TRHDE: variants seen among roughly 807,000 people sequenced by gnomAD.
TRHDE encodes the protein thyrotropin releasing hormone degrading enzyme.
Under a neutral mutation model 125.7 loss-of-function variants are expected in TRHDE, and 72 were observed. The observed-to-expected ratio is 0.57, with a 90% CI of 0.47 to 0.70. The LOEUF is 0.70. Ranked by LOEUF, TRHDE falls within the 30% of genes least tolerant of loss-of-function variation. TRHDE has a pLI of 0.00. For missense variants in TRHDE, 1,110 were observed against 1,327.1 expected, an observed-to-expected ratio of 0.84 and a Z score of 2.54; for synonymous variants, 509 against 509.1, an observed-to-expected ratio of 1.00 and a Z score of 0.00.
chr12:72,398,724 T>C (rs541048012), intron 3 of TRHDE, among the ~76,000 whole-genome samples: 2 of 152,220 alleles, frequency 1.3e-5, no homozygotes, highest in African/African-American at 2.4e-5. Flanking sequence ...TTATTTGGGG[T>C]CCCTATGAAG....
intron 2 of TRHDE, among the ~76,000 whole-genome samples, chr12:72,326,914 T>G (rs536691329): frequency 6.6e-6 from 1 of 152,194 alleles, no homozygotes; most frequent in African/African-American, 2.4e-5. Flanking sequence ...GGGACTCTTA[T>G]TCGGGAACTG....
rs1201238476 is a variant in TRHDE at position 72,272,923 on chromosome 12, G to A, written c.280G>A (p.Val94Met). The A allele has an allele frequency of 4.4e-6, 7 of 1,578,716 alleles. No individual in the cohort carries two copies. Among genetic ancestry groups the A allele is most frequent in the Non-Finnish European group, 6.0e-6 (7 of 1,170,298 alleles). Reference sequence around the variant, plus strand: ...TGTGCTGGCCTTCGCTGTGTCCCTCGTGGCATTGCTCGCGGTCACAATGCT... The same window carrying A: ...TGTGCTGGCCTTCGCTGTGTCCCTCATGGCATTGCTCGCGGTCACAATGCT... ...RLVLAFAVSL[V>M]ALLAVTMLAV... The change falls in exon 1 of 19, where the codon GTG (valine) becomes ATG (methionine). Residue 94 changes from valine to methionine, a missense_variant. Val to Met is a conservative substitution (Grantham distance 21). This residue lies in a region of TRHDE where 248 missense variants were observed against 240.8 expected (regional missense o/e 1.03). Coordinates refer to ENST00000261180, the MANE Select transcript of TRHDE (RefSeq NM_013381.3). The surrounding 1 kb of genome is among the most constrained non-coding windows in gnomAD (Gnocchi z 6.7).
In TRHDE at chr12:72,173,583, G is replaced by C. The variant is rs118127319; in HGVS notation, n.279+67831G>C. 6.7e-4 allele frequency among the ~76,000 whole-genome samples: 102 copies of C among 152,244 alleles called. 1 individual carries two copies. The East Asian group carries it at 0.016, about 24-fold the overall frequency. ...CTGCACGTGCTCTTGTGTTACTATA[G>C]TGACCCCATAATGCTGGGTGCAAAT... is the stretch of plus-strand genomic sequence containing the variant. On this transcript the variant is annotated intron_variant and non_coding_transcript_variant, in intron 2 of 4. Coordinates refer to the TRHDE transcript ENST00000548156.
At chr12:72,388,177 A>C (rs1872506115) in intron 3 of TRHDE, among the ~76,000 whole-genome samples, 1 of 152,094 alleles carries the variant, frequency 6.6e-6, no homozygotes, top group African/African-American at 2.4e-5. Context: ...AACATTTTTC[A>C]TTCAAATAGA....
intron 2 of TRHDE, among the ~76,000 whole-genome samples, chr12:72,168,033 C>T (rs1433960189): frequency 6.6e-6 from 1 of 152,070 alleles, no homozygotes; most frequent in South Asian, 2.1e-4. Flanking sequence ...AGTATGGCTA[C>T]AACACTAGTC....
intron 18 of TRHDE, among the ~76,000 whole-genome samples, chr12:72,659,867 C>T (rs989819072): frequency 1.3e-5 from 2 of 152,090 alleles, no homozygotes; most frequent in African/African-American, 2.4e-5. Flanking sequence ...CAGGACTTAG[C>T]AGGTATTCTC....
upstream of TRHDE, among the ~76,000 whole-genome samples, chr12:72,270,933 T>G (rs1409582330): frequency 6.6e-6 from 1 of 152,210 alleles, no homozygotes; most frequent in Non-Finnish European, 1.5e-5. Flanking sequence ...TTGATAACTA[T>G]CCTAACAAAG....
chr12:72,368,528 A>G (rs532654955), intron 2 of TRHDE, among the ~76,000 whole-genome samples: 1 of 152,132 alleles, frequency 6.6e-6, no homozygotes, highest in Non-Finnish European at 1.5e-5. Context: ...AACTTTTCTG[A>G]AGAGCCAATG....
chr12:72,135,043 GA>G (rs1005530053), intron 2 of TRHDE, among the ~76,000 whole-genome samples: 3 of 151,188 alleles, frequency 2.0e-5, no homozygotes, highest in African/African-American at 7.3e-5. Flanking sequence ...AAAAAAAAAA[GA>G]AAAAAGAAAA....
At chr12:72,439,826 T>G (rs1262187525) in intron 3 of TRHDE, among the ~76,000 whole-genome samples, 1 of 151,902 alleles carries the variant, frequency 6.6e-6, no homozygotes, top group Non-Finnish European at 1.5e-5. Flanking sequence ...TTGCTCCAGA[T>G]CTTAGAGAAA....
At chr12:72,459,950 G>A (rs908598363) in intron 3 of TRHDE, among the ~76,000 whole-genome samples, 13 of 152,098 alleles carry the variant, frequency 8.5e-5, no homozygotes, top group African/African-American at 3.1e-4. Flanking sequence ...AGTTCCCAGA[G>A]CCCTAATTCC....
intron 2 of TRHDE, among the ~76,000 whole-genome samples, chr12:72,162,295 G>C (rs533377037): frequency 5.3e-4 from 80 of 152,324 alleles, no homozygotes; most frequent in African/African-American, 1.9e-3. Context: ...GACAGAGGTA[G>C]AATATTGGGG....
intron 12 of TRHDE, among the ~76,000 whole-genome samples, chr12:72,593,442 T>C (rs556824205): frequency 1.3e-5 from 2 of 152,302 alleles, no homozygotes; most frequent in East Asian, 3.9e-4. Context: ...ATAAATTCAG[T>C]GATACATTTA....
intron 3 of TRHDE, among the ~76,000 whole-genome samples, chr12:72,429,963 C>T (rs1235871151): frequency 6.6e-6 from 1 of 151,512 alleles, no homozygotes; most frequent in Non-Finnish European, 1.5e-5. Context: ...TGTGGGTTGT[C>T]TTTTCACTTT....
chr12:72,376,480 G>A (rs547532199), intron 2 of TRHDE, among the ~76,000 whole-genome samples: 1 of 152,116 alleles, frequency 6.6e-6, no homozygotes, highest in African/African-American at 2.4e-5. Context: ...GATAGTTTTT[G>A]GTTTTCTAAT....
chr12:72,300,961 C>A (rs983508977), intron 2 of TRHDE, among the ~76,000 whole-genome samples: 7 of 152,090 alleles, frequency 4.6e-5, no homozygotes, highest in East Asian at 3.9e-4. Flanking sequence ...TCTTTGCATT[C>A]TTTCCCCTCC....
chr12:72,249,464 G>A (rs571133238), intron 2 of TRHDE, among the ~76,000 whole-genome samples: 2 of 152,264 alleles, frequency 1.3e-5, no homozygotes, highest in African/African-American at 4.8e-5. Flanking sequence ...AAGCAGGAGG[G>A]TTGGTTGAGC....
chr12:72,421,445 A>T (rs1326613323), intron 3 of TRHDE, among the ~76,000 whole-genome samples: 1 of 152,194 alleles, frequency 6.6e-6, no homozygotes. Flanking sequence ...CAGCATGGCA[A>T]CTAGTTCTAT....
intron 2 of TRHDE, among the ~76,000 whole-genome samples, chr12:72,123,334 A>G (rs928191599): frequency 5.3e-5 from 8 of 152,202 alleles, no homozygotes; most frequent in Non-Finnish European, 7.4e-5. Context: ...TTTGAGTACA[A>G]TAGTAATAAA....
Sources: allele counts gnomAD v4.1 joint callset (sites outside exome capture counted in the v4.1 genomes callset), GRCh38; gene constraint gnomAD v4.1.1; regional missense constraint gnomAD v4.1.1; non-coding constraint Gnocchi (gnomAD v3.1); transcripts MANE v1.5; gene names NCBI Gene and HGNC (gene_info 2026-07-23, HGNC 2026-07-21).